The following FRAS1 variants were observed in gnomAD, a reference collection of about 807,000 sequenced individuals.
FRAS1 encodes the protein extracellular matrix organizing protein FRAS1.
Under a neutral mutation model 435.2 loss-of-function variants are expected in FRAS1, and 290 were observed. That is an observed-to-expected ratio of 0.67 (90% CI 0.61 to 0.73). The LOEUF (loss-of-function observed/expected upper bound fraction) is 0.73, where lower values mean the gene tolerates loss of function less well. Among genes scored for constraint, FRAS1 ranks in the 30% least tolerant of loss-of-function variants. The probability of loss-of-function intolerance (pLI) is 0.00; values close to 1 mark genes in which losing one functional copy is unlikely to be tolerated. For synonymous variants in FRAS1, 1,800 were observed against 1,851.0 expected (o/e 0.97, Z 0.71); for missense variants, 4,860 against 5,001.5 (o/e 0.97, Z 0.85).
intron 54 of FRAS1, among the ~76,000 whole-genome samples, chr4:78,476,053 G>A (rs6843017): frequency 0.025 from 3,744 of 152,266 alleles, 168 homozygotes; most frequent in African/African-American, 0.084. Flanking sequence ...GAAGCGGATG[G>A]ATTTGACAGA....
chr4:78,425,899 G>T (rs1244974087), intron 35 of FRAS1, among the ~76,000 whole-genome samples: 1 of 152,126 alleles, frequency 6.6e-6, no homozygotes, highest in African/African-American at 2.4e-5. Flanking sequence ...ACTTTGGGAG[G>T]TGTGAGGAGG....
At position 78,511,410 on chromosome 4, in the gene FRAS1, C is replaced by T. The variant is rs1721035003; in HGVS notation, c.9917C>T (p.Thr3306Ile). 1 of 1,613,842 alleles carries T rather than the reference C, an allele frequency of 6.2e-7. No homozygotes were observed. The stretch of plus-strand genomic sequence containing the variant: ...GGAACAGACAGTGCTATCTGCCACA[C>T]ACCAGTGGTGGCTGGGACATCCAGA... ...TIGTDSAICH[T>I]PVVAGTSRGF... Residue 3306 changes from threonine (T) to isoleucine (I), a missense_variant, in exon 64 of 74, where the codon ACA becomes ATA. Thr to Ile is a moderately conservative substitution (Grantham distance 89). Coordinates refer to ENST00000512123, the MANE Select transcript of FRAS1 (RefSeq NM_025074.7).
At chr4:78,422,232 C>G (rs1475649099) in intron 34 of FRAS1, among the ~76,000 whole-genome samples, 1 of 151,414 alleles carries the variant, frequency 6.6e-6, no homozygotes, top group South Asian at 2.1e-4. Context: ...TTATTTTGTC[C>G]CTCCTATGTG....
At chr4:78,507,638 T>A (rs1720884789) in intron 62 of FRAS1, 30 bp downstream of exon 62, 1 of 1,562,658 alleles carries the variant, frequency 6.4e-7, no homozygotes, top group African/African-American at 1.4e-5. Context: ...GGATTGCTGT[T>A]TTACGTCTCA....
At position 78,263,209 on chromosome 4, in the gene FRAS1, G is replaced by A. The variant is rs373742943; in HGVS notation, c.604-1816G>A. ...TCTTCTTACTTCCTCTCCAGTTCTG[G>A]CTGTAAAGCACCAGCCCAGATGGAT... is the stretch of plus-strand genomic sequence containing the variant. On this transcript the variant is annotated intron_variant, in intron 6 of 73. Coordinates refer to ENST00000512123, the MANE Select transcript of FRAS1 (RefSeq NM_025074.7). Among the ~76,000 whole-genome samples, 27 of 152,252 alleles carry A rather than the reference G, an allele frequency of 1.8e-4. 1 individual carries two copies. The highest frequency in any genetic ancestry group is 6.0e-4 in the African/African-American group (25 of 41,550).
intron 14 of FRAS1, among the ~76,000 whole-genome samples, chr4:78,305,324 AG>A (rs1267067685): frequency 6.6e-6 from 1 of 151,956 alleles, no homozygotes; most frequent in African/African-American, 2.4e-5. Context: ...GGTGCTGAAA[AG>A]AATGTATATT....
intron 2 of FRAS1, among the ~76,000 whole-genome samples, chr4:78,190,988 G>C (rs1202890568): frequency 6.6e-6 from 1 of 152,206 alleles, no homozygotes; most frequent in Non-Finnish European, 1.5e-5. Context: ...AAAAGGAAGA[G>C]AGACCAGAGC....
chr4:78,159,366 A>G (rs974744540), intron 2 of FRAS1, among the ~76,000 whole-genome samples: 2 of 152,216 alleles, frequency 1.3e-5, no homozygotes, highest in African/African-American at 2.4e-5. Flanking sequence ...GAGTAAGAAC[A>G]TGAGTGGCTC....
chr4:78,216,466 A>T (rs1386554458), intron 2 of FRAS1, among the ~76,000 whole-genome samples: 3 of 152,246 alleles, frequency 2.0e-5, no homozygotes, highest in Non-Finnish European at 4.4e-5. Flanking sequence ...GAATGATTTC[A>T]TGAATGAGCC....
intron 9 of FRAS1, among the ~76,000 whole-genome samples, chr4:78,268,982 G>A (rs1726511853): frequency 6.6e-6 from 1 of 152,120 alleles, no homozygotes; most frequent in Non-Finnish European, 1.5e-5. Flanking sequence ...CAGCTAAATT[G>A]TTTTCTTCCA....
chr4:78,502,346 C>T (rs116479371), intron 61 of FRAS1, among the ~76,000 whole-genome samples: 50,067 of 152,020 alleles, frequency 0.33, 8,977 homozygotes, highest in South Asian at 0.52. Flanking sequence ...TCTTCCTCTC[C>T]GTAAGCGTGG....
intron 30 of FRAS1, among the ~76,000 whole-genome samples, chr4:78,404,430 G>A (rs936586212): frequency 6.6e-6 from 1 of 151,428 alleles, no homozygotes; most frequent in Non-Finnish European, 1.5e-5. Context: ...AAAGAAGAAG[G>A]TTAGCTCTCA....
chr4:78,302,654 T>A (rs1017996192), intron 14 of FRAS1, among the ~76,000 whole-genome samples: 3 of 152,198 alleles, frequency 2.0e-5, no homozygotes, highest in African/African-American at 7.2e-5. Context: ...AAATGTCTTC[T>A]TTTGAGAAAT....
intron 1 of FRAS1, among the ~76,000 whole-genome samples, chr4:78,060,241 G>C (rs975002424): frequency 1.3e-5 from 2 of 152,062 alleles, no homozygotes; most frequent in African/African-American, 4.8e-5. Context: ...TCCTCTCAAG[G>C]TTTTCTTTTT....
intron 9 of FRAS1, among the ~76,000 whole-genome samples, chr4:78,270,668 G>A (rs1726631203): frequency 6.6e-6 from 1 of 151,692 alleles, no homozygotes; most frequent in Non-Finnish European, 1.5e-5. Flanking sequence ...CATGTGTTTT[G>A]TCTTTTACAG....
chr4:78,317,228 A>C, intron 16 of FRAS1, 140 bp from the exon 17 acceptor site: 4 of 911,398 alleles, frequency 4.4e-6, no homozygotes, highest in Non-Finnish European at 6.9e-6. Flanking sequence ...CAGTGTAACC[A>C]CCTCCTAACA....
intron 20 of FRAS1, among the ~76,000 whole-genome samples, chr4:78,360,912 A>G (rs1308019905): frequency 6.6e-6 from 1 of 152,204 alleles, no homozygotes; most frequent in African/African-American, 2.4e-5. Flanking sequence ...TTATTCTTTT[A>G]TGTTTCTCTA....
chr4:78,505,725 TTCTGTCAAC>T (rs1720816238), intron 61 of FRAS1, among the ~76,000 whole-genome samples: 1 of 150,384 alleles, frequency 6.6e-6, no homozygotes, highest in Non-Finnish European at 1.5e-5. Context: ...TGAAGCCTAC[TTCTGTCAAC>T]TCGCCAAAGT....
intron 2 of FRAS1, among the ~76,000 whole-genome samples, chr4:78,171,152 T>C (rs1447016601): frequency 1.3e-5 from 2 of 152,120 alleles, no homozygotes; most frequent in African/African-American, 4.8e-5. Context: ...CTATGAACTC[T>C]AACTTCAGCT....
Sources: gnomAD v4.1 joint callset for allele counts (sites outside exome capture counted in the v4.1 genomes callset) on GRCh38, gnomAD v4.1.1 for gene constraint, MANE v1.5 for transcripts, NCBI Gene and HGNC (gene_info 2026-07-23, HGNC 2026-07-21) for gene names.